Variants in CAMTA1 observed in about 807,000 individuals in gnomAD.
CAMTA1 encodes calmodulin binding transcription activator 1, also known as calmodulin-binding transcription activator 1.
A neutral mutation model predicts 170.9 loss-of-function variants in CAMTA1; 27 were observed. The ratio of observed to expected loss-of-function variants is 0.16; its 90% CI spans 0.12 to 0.22. CAMTA1 has a LOEUF of 0.22. Ranked by LOEUF, CAMTA1 falls within the 10% of genes least tolerant of loss-of-function variation. The pLI, the probability that CAMTA1 is intolerant of heterozygous loss-of-function variation, is 1.00. For missense variants in CAMTA1, 1,619 were observed against 2,217.2 expected (o/e 0.73, Z 5.42); for synonymous variants, 833 against 891.5 (o/e 0.93, Z 1.17).
intron 4 of CAMTA1, among the ~76,000 whole-genome samples, chr1:7,098,125 G>A (rs1398360329): frequency 2.0e-5 from 3 of 151,634 alleles, no homozygotes; most frequent in Admixed American, 6.6e-5. Flanking sequence ...GTGTGTGCAC[G>A]TGCGCGTGCG....
rs80065918 is a variant in CAMTA1, at chr1:7,329,005, T to A, written c.438+79379T>A. ...AATTGAGTCCTCATGTGCTTGGTTA[T>A]TTTTACCTTATGACCTTGCACTCCA... On this transcript the variant is annotated intron_variant, in intron 5 of 22. Coordinates refer to ENST00000303635, the MANE Select transcript of CAMTA1 (RefSeq NM_015215.4). 6.0e-3 allele frequency among the ~76,000 whole-genome samples: 914 copies of A among 152,312 alleles called. 6 individuals are homozygous for A. The highest frequency in any genetic ancestry group is 0.02 in the African/African-American group (818 of 41,564).
chr1:6,790,159 TTTTATATAG>T (rs1640654926), intron 1 of CAMTA1, among the ~76,000 whole-genome samples: 1 of 152,086 alleles, frequency 6.6e-6, no homozygotes, highest in Non-Finnish European at 1.5e-5. Context: ...AATGCTTGTC[TTTTATATAG>T]TCTTGCAAGG....
At chr1:7,726,829 G>A (rs2096690950) in intron 11 of CAMTA1, among the ~76,000 whole-genome samples, 1 of 152,248 alleles carries the variant, frequency 6.6e-6, no homozygotes, top group Non-Finnish European at 1.5e-5. Flanking sequence ...TGGAGCTAGA[G>A]CAGCTGGCTT....
chr1:7,001,093 G>A (rs888126873), intron 3 of CAMTA1, among the ~76,000 whole-genome samples: 1 of 152,146 alleles, frequency 6.6e-6, no homozygotes, highest in Non-Finnish European at 1.5e-5. Flanking sequence ...ATGGTGATGG[G>A]AGAAAATTTG....
intron 3 of CAMTA1, among the ~76,000 whole-genome samples, chr1:7,045,436 A>C (rs1192770722): frequency 2.6e-5 from 4 of 152,180 alleles, no homozygotes; most frequent in Non-Finnish European, 4.4e-5. Context: ...CCGGCACCAA[A>C]TACCCCCAAT....
At chr1:6,929,296 C>T (rs1683935939) in intron 3 of CAMTA1, among the ~76,000 whole-genome samples, 1 of 152,152 alleles carries the variant, frequency 6.6e-6, no homozygotes, top group Non-Finnish European at 1.5e-5. Context: ...TCTCCTGCCT[C>T]AGCTTCCCAA....
intron 6 of CAMTA1, among the ~76,000 whole-genome samples, chr1:7,625,688 C>G (rs1429612613): frequency 6.6e-6 from 1 of 152,236 alleles, no homozygotes; most frequent in Non-Finnish European, 1.5e-5. Context: ...TTGGCTCCAG[C>G]CAGCGACTTC....
rs577385752 is a variant in CAMTA1, at chr1:7,190,463, G to A, written c.303-59028G>A. ...TACGTGTGTAGAAAATAATCATGAT[G>A]TAACATAAATGTACATATAACTTTT... On this transcript the variant is annotated intron_variant, in intron 4 of 22. Coordinates refer to ENST00000303635, the MANE Select transcript of CAMTA1 (RefSeq NM_015215.4). 3.9e-5 allele frequency among the ~76,000 whole-genome samples: 6 copies of A among 152,134 alleles called. No homozygotes were observed. The East Asian group carries it at 1.2e-3, about 29-fold the overall frequency.
At chr1:7,308,071 A>G (rs1162557188) in intron 5 of CAMTA1, among the ~76,000 whole-genome samples, 2 of 148,946 alleles carry the variant, frequency 1.3e-5, no homozygotes, top group African/African-American at 5.1e-5. Flanking sequence ...GTTTTTTTTT[A>G]AATCTGGGTG....
At chr1:7,241,010 T>A (rs1221942482) in intron 4 of CAMTA1, among the ~76,000 whole-genome samples, 1 of 151,966 alleles carries the variant, frequency 6.6e-6, no homozygotes, top group Admixed American at 6.6e-5. Flanking sequence ...GAAAGTGGAG[T>A]CACAGGTGAC....
chr1:7,751,610 T>C (rs2096897904), intron 20 of CAMTA1, among the ~76,000 whole-genome samples: 1 of 152,082 alleles, frequency 6.6e-6, no homozygotes, highest in African/African-American at 2.4e-5. Context: ...CCCACCCAAT[T>C]ATTTTGATAT....
In CAMTA1 at chr1:6,924,608, G is replaced by C. The variant is rs6702832; in HGVS notation, c.234+99398G>C. On this transcript the variant is annotated intron_variant, in intron 3 of 22. Coordinates refer to ENST00000303635, the MANE Select transcript of CAMTA1 (RefSeq NM_015215.4). ...AGGAAATATATATTTAGACTCTTCTGTACTTTCCGTGGTAACAGCCGCTTT... is the reference window on the plus strand; with the variant it reads ...AGGAAATATATATTTAGACTCTTCTCTACTTTCCGTGGTAACAGCCGCTTT... 2.2e-3 allele frequency among the ~76,000 whole-genome samples: 341 copies of C among 152,338 alleles called. 1 individual carries two copies. Among genetic ancestry groups the C allele is most frequent in the African/African-American group, 7.9e-3 (330 of 41,564 alleles).
At chr1:7,505,061 G>A (rs2094079991) in intron 6 of CAMTA1, among the ~76,000 whole-genome samples, 1 of 151,792 alleles carries the variant, frequency 6.6e-6, no homozygotes, top group Non-Finnish European at 1.5e-5. Context: ...AGCTGGGCAG[G>A]AGGAGTTCAG....
intron 4 of CAMTA1, among the ~76,000 whole-genome samples, chr1:7,190,776 T>C (rs1386686466): frequency 6.6e-6 from 1 of 152,212 alleles, no homozygotes; most frequent in Admixed American, 6.5e-5. Flanking sequence ...ATTATTCTAA[T>C]GCGTACTGGG....
chr1:7,016,816 A>G (rs984932015), intron 3 of CAMTA1, among the ~76,000 whole-genome samples: 6 of 152,086 alleles, frequency 3.9e-5, no homozygotes, highest in Admixed American at 2.6e-4. Context: ...AGCCTGAGTG[A>G]CAGAGCGAGC....
intron 3 of CAMTA1, among the ~76,000 whole-genome samples, chr1:6,860,236 C>CACA (rs1664152129): frequency 6.6e-6 from 1 of 152,156 alleles, no homozygotes; most frequent in Non-Finnish European, 1.5e-5. Context: ...GGCATGTGTA[C>CACA]TTGGTCTTTC....
intron 5 of CAMTA1, among the ~76,000 whole-genome samples, chr1:7,375,784 A>G (rs1347873398): frequency 1.3e-5 from 2 of 152,236 alleles, no homozygotes; most frequent in African/African-American, 2.4e-5. Context: ...GATATTTCCT[A>G]CCATAAAGGC....
intron 7 of CAMTA1, among the ~76,000 whole-genome samples, chr1:7,648,039 G>A (rs1202387030): frequency 6.6e-6 from 1 of 152,124 alleles, no homozygotes; most frequent in African/African-American, 2.4e-5. Flanking sequence ...GAGCTGAGAT[G>A]GCGCCACTGC....
At chr1:7,260,047 C>T (rs577779895) in intron 5 of CAMTA1, among the ~76,000 whole-genome samples, 7 of 152,182 alleles carry the variant, frequency 4.6e-5, no homozygotes, top group East Asian at 1.9e-4. Flanking sequence ...TTCAGTTTTG[C>T]GAGCCAGACT....
Sources: gnomAD v4.1 joint callset for allele counts (sites outside exome capture counted in the v4.1 genomes callset) on GRCh38, gnomAD v4.1.1 for gene constraint, MANE v1.5 for transcripts, NCBI Gene and HGNC (gene_info 2026-07-23, HGNC 2026-07-21) for gene names.